FUT8: variants seen among roughly 807,000 people sequenced by gnomAD.
FUT8 encodes the protein alpha-(1,6)-fucosyltransferase.
FUT8 carries 29 observed loss-of-function variants against 71.3 expected under a neutral mutation model. That is an observed-to-expected ratio of 0.41 (90% CI 0.30 to 0.55). The LOEUF (loss-of-function observed/expected upper bound fraction) is 0.55. Ranked by LOEUF, FUT8 falls within the 20% of genes least tolerant of loss-of-function variation. The probability of loss-of-function intolerance (pLI) is 0.34; values close to 1 mark genes in which losing one functional copy is unlikely to be tolerated. For missense variants in FUT8, 544 were observed against 702.1 expected (o/e 0.77, Z 2.55); for synonymous variants, 254 against 239.3 (o/e 1.06, Z -0.57).
chr14:65,539,566 T>G (rs879557016), intron 2 of FUT8, among the ~76,000 whole-genome samples: 10 of 152,208 alleles, frequency 6.6e-5, no homozygotes, highest in Admixed American at 1.3e-4. Context: ...ATTTTTTGCT[T>G]CTTCTTTCTT....
chr14:65,690,150 A>G (rs12434219), intron 7 of FUT8, among the ~76,000 whole-genome samples: 3,310 of 152,178 alleles, frequency 0.022, 217 homozygotes, highest in East Asian at 0.22. Flanking sequence ...TCTTTTCTCC[A>G]TTGGATTGCC....
At chr14:65,619,170 T>C (rs1284928109) in intron 5 of FUT8, among the ~76,000 whole-genome samples, 1 of 152,188 alleles carries the variant, frequency 6.6e-6, no homozygotes, top group African/African-American at 2.4e-5. Flanking sequence ...AAACAGATCA[T>C]AATAGTAGTA....
intron 3 of FUT8, among the ~76,000 whole-genome samples, chr14:65,610,980 C>T (rs1888856775): frequency 6.6e-6 from 1 of 151,220 alleles, no homozygotes; most frequent in African/African-American, 2.4e-5. Flanking sequence ...TTTTTTCTTA[C>T]TATATCTTTC....
At chr14:65,379,142 C>T in the FUT8 span, among the ~76,000 whole-genome samples, 2 of 151,940 alleles carry the variant, frequency 1.3e-5, no homozygotes, top group South Asian at 2.1e-4. Context: ...CCACCTCTCT[C>T]GGCCAACACA....
intron 2 of FUT8, among the ~76,000 whole-genome samples, chr14:65,462,589 G>A (rs984740359): frequency 6.6e-6 from 1 of 152,208 alleles, no homozygotes; most frequent in African/African-American, 2.4e-5. Context: ...CTAGGTGTAA[G>A]TGAATCATGT....
At chr14:65,576,696 C>CTTTTTTTTTTTTTTT (rs376473739) in intron 3 of FUT8, among the ~76,000 whole-genome samples, 4 of 96,214 alleles carry the variant, frequency 4.2e-5, no homozygotes, top group Non-Finnish European at 5.4e-5. Flanking sequence ...GCCCAGCTTG[C>CTTTTTTTTTTTTTTT]TTTTTTTTTT....
intron 7 of FUT8, among the ~76,000 whole-genome samples, chr14:65,693,290 C>T (rs1194036785): frequency 6.6e-6 from 1 of 152,212 alleles, no homozygotes; most frequent in Admixed American, 6.5e-5. Context: ...GGATCACTCG[C>T]GGTTAGGAGC....
intron 3 of FUT8, among the ~76,000 whole-genome samples, chr14:65,615,717 C>G (rs1889244501): frequency 1.3e-5 from 2 of 152,270 alleles, no homozygotes; most frequent in Non-Finnish European, 2.9e-5. Flanking sequence ...TAGGAAACAG[C>G]TCTAGAGGTT....
At chr14:65,572,431 T>G (rs1403085132) in intron 3 of FUT8, among the ~76,000 whole-genome samples, 1 of 152,190 alleles carries the variant, frequency 6.6e-6, no homozygotes, top group East Asian at 1.9e-4. Context: ...TACAGTTAAA[T>G]AGCTTGCTGA....
intron 7 of FUT8, among the ~76,000 whole-genome samples, chr14:65,679,700 C>CA (rs1370957259): frequency 1.3e-5 from 2 of 152,132 alleles, no homozygotes; most frequent in African/African-American, 2.4e-5. Context: ...GCAGTGCTTA[C>CA]AAACTGTATC....
intron 6 of FUT8, among the ~76,000 whole-genome samples, chr14:65,662,806 A>G (rs2140354007): frequency 6.6e-6 from 1 of 152,336 alleles, no homozygotes; most frequent in African/African-American, 2.4e-5. Context: ...AAACCAAATC[A>G]CACAACTGAG....
intron 10 of FUT8, 78 bp downstream of exon 10, chr14:65,733,459 A>C (rs3742597): frequency 3.7e-6 from 4 of 1,069,392 alleles, no homozygotes; most frequent in Non-Finnish European, 5.3e-6. Context: ...TTGTGTGTCT[A>C]TGTGTTGTTA....
rs1594958557 is a variant in FUT8 at position 65,743,087 on chromosome 14, T to C, written c.*677T>C. 6.6e-6 allele frequency: 1 copy of C among 152,302 alleles called. No homozygotes were observed. The highest frequency in any genetic ancestry group is 2.1e-4 in the South Asian group (1 of 4,828). The allele number at this position is 152,302 out of a possible 1,614,324, so 9.4% of individuals were successfully genotyped here. On this transcript the variant is annotated 3_prime_UTR_variant, in exon 11 of 11. Coordinates refer to ENST00000673929, the MANE Select transcript of FUT8 (RefSeq NM_001371533.1). ...ACAATGCCATGAACAAATTCTTTAG[T>C]ACTCAATGTTTCTGGACATTCTCTT... is the stretch of plus-strand genomic sequence containing the variant.
intron 6 of FUT8, among the ~76,000 whole-genome samples, chr14:65,647,371 A>G (rs75818538): frequency 2.0e-5 from 3 of 152,326 alleles, no homozygotes; most frequent in Non-Finnish European, 4.4e-5. Context: ...AGTAACTCTT[A>G]TGATGCAGGT....
intron 6 of FUT8, among the ~76,000 whole-genome samples, chr14:65,634,512 A>G (rs1399934710): frequency 6.7e-6 from 1 of 149,494 alleles, no homozygotes; most frequent in African/African-American, 2.5e-5. Context: ...CTATTGTCCT[A>G]TGACCCTGCC....
intron 2 of FUT8, among the ~76,000 whole-genome samples, chr14:65,554,849 T>C (rs545656275): frequency 6.6e-6 from 1 of 152,324 alleles, no homozygotes; most frequent in East Asian, 1.9e-4. Context: ...TTGTAACTTT[T>C]GATAAAATGC....
intron 7 of FUT8, among the ~76,000 whole-genome samples, chr14:65,688,940 G>C (rs973331191): frequency 6.6e-6 from 1 of 152,062 alleles, no homozygotes; most frequent in Non-Finnish European, 1.5e-5. Context: ...CTTCTTCTGA[G>C]ACCACCAATT....
intron 2 of FUT8, among the ~76,000 whole-genome samples, chr14:65,473,231 T>C (rs374567215): frequency 1.3e-5 from 2 of 152,202 alleles, no homozygotes; most frequent in South Asian, 2.1e-4. Context: ...GTCAGACTGA[T>C]AGTTTATTGT....
chr14:65,535,273 A>G (rs982471921), intron 2 of FUT8, among the ~76,000 whole-genome samples: 2 of 151,288 alleles, frequency 1.3e-5, no homozygotes, highest in Non-Finnish European at 3.0e-5. Context: ...CCAATTTTTT[A>G]TATTTTTAGT....
Sources: allele counts gnomAD v4.1 joint callset (sites outside exome capture counted in the v4.1 genomes callset), GRCh38; gene constraint gnomAD v4.1.1; transcripts MANE v1.5; gene names NCBI Gene and HGNC (gene_info 2026-07-23, HGNC 2026-07-21).